Variants in AGBL4 observed in about 807,000 individuals in gnomAD.
AGBL4 encodes AGBL carboxypeptidase 4.
AGBL4 carries 58 observed loss-of-function variants against 66.4 expected under a neutral mutation model. The ratio of observed to expected loss-of-function variants is 0.87; its 90% CI spans 0.71 to 1.09. The LOEUF is 1.09. Ranked by LOEUF, AGBL4 falls within the 50% of genes least tolerant of loss-of-function variation. The pLI, the probability that AGBL4 is intolerant of heterozygous loss-of-function variation, is 0.00. For synonymous variants in AGBL4, 234 were observed against 222.9 expected (o/e 1.05, Z -0.44); for missense variants, 579 against 631.0 (o/e 0.92, Z 0.88).
At chr1:48,564,963 C>T (rs187152665) in intron 11 of AGBL4, among the ~76,000 whole-genome samples, 2 of 152,344 alleles carry the variant, frequency 1.3e-5, no homozygotes, top group Admixed American at 6.5e-5. Flanking sequence ...ATGCATCTGG[C>T]TCCCTGTTCA....
At chr1:48,933,272 A>G (rs1382356404) in intron 5 of AGBL4, among the ~76,000 whole-genome samples, 1 of 152,176 alleles carries the variant, frequency 6.6e-6, no homozygotes, top group African/African-American at 2.4e-5. Flanking sequence ...TTCAAGAAAT[A>G]CCTAGAAAAT....
intron 5 of AGBL4, among the ~76,000 whole-genome samples, chr1:48,875,654 G>C (rs546200090): frequency 6.6e-6 from 1 of 152,260 alleles, no homozygotes; most frequent in African/African-American, 2.4e-5. Flanking sequence ...GCCTCTGGCG[G>C]CCGGCACAAA....
At chr1:48,678,682 A>G (rs1457943801) in intron 6 of AGBL4, among the ~76,000 whole-genome samples, 1 of 152,202 alleles carries the variant, frequency 6.6e-6, no homozygotes, top group African/African-American at 2.4e-5. Flanking sequence ...CTTGCGTTTT[A>G]ATGGTGCAAA....
chr1:48,838,132 T>C (rs985772279), intron 6 of AGBL4, among the ~76,000 whole-genome samples: 2 of 151,876 alleles, frequency 1.3e-5, no homozygotes, highest in Non-Finnish European at 2.9e-5. Context: ...AATCTACAGA[T>C]CAGTGCAATC....
At chr1:49,497,331 T>C (rs902468606) in intron 3 of AGBL4, among the ~76,000 whole-genome samples, 3 of 152,046 alleles carry the variant, frequency 2.0e-5, no homozygotes, top group East Asian at 3.9e-4. Flanking sequence ...CTTCACTTTA[T>C]TGATTGTTTT....
chr1:49,947,348 G>C (rs1298266178), intron 1 of AGBL4, among the ~76,000 whole-genome samples: 1 of 151,954 alleles, frequency 6.6e-6, no homozygotes, highest in Non-Finnish European at 1.5e-5. Context: ...AATCCACCAT[G>C]ATCAAGTGGG....
At chr1:49,825,161 T>A (rs1645477542) in intron 2 of AGBL4, among the ~76,000 whole-genome samples, 2 of 152,226 alleles carry the variant, frequency 1.3e-5, no homozygotes, top group South Asian at 4.1e-4. Flanking sequence ...CTATCTTCTT[T>A]ACTGATACAA....
chr1:49,853,322 A>C (rs113986818), intron 1 of AGBL4, among the ~76,000 whole-genome samples: 142 of 152,304 alleles, frequency 9.3e-4, no homozygotes, highest in Non-Finnish European at 1.5e-3. Flanking sequence ...GGAAATGATA[A>C]AACCAAAAAT....
At chr1:49,388,596 G>T (rs1415857398) in intron 3 of AGBL4, among the ~76,000 whole-genome samples, 4 of 152,136 alleles carry the variant, frequency 2.6e-5, no homozygotes, top group Non-Finnish European at 5.9e-5. Context: ...ATTATCCTAT[G>T]ATTCTTGATT....
chr1:49,608,002 T>C (rs1324951108), intron 3 of AGBL4, among the ~76,000 whole-genome samples: 2 of 152,136 alleles, frequency 1.3e-5, no homozygotes, highest in Non-Finnish European at 1.5e-5. Context: ...ATTTATTCAC[T>C]TGTCAAATGT....
chr1:48,970,857 A>G (rs1427345456), intron 5 of AGBL4, among the ~76,000 whole-genome samples: 6 of 152,120 alleles, frequency 3.9e-5, no homozygotes, highest in Non-Finnish European at 8.8e-5. Flanking sequence ...CTGAAAAAAT[A>G]CAGAGGTTGG....
chr1:49,802,288 A>C (rs1392806213), intron 2 of AGBL4, among the ~76,000 whole-genome samples: 1 of 152,132 alleles, frequency 6.6e-6, no homozygotes, highest in Non-Finnish European at 1.5e-5. Flanking sequence ...TATATGGATA[A>C]GATAGGGCTA....
intron 2 of AGBL4, chr1:49,845,134 C>T (rs1322782611): frequency 1.4e-5 from 20 of 1,398,886 alleles, no homozygotes; most frequent in Admixed American, 5.1e-5. Flanking sequence ...CCAACACCAC[C>T]GTACGCATAC....
intron 1 of AGBL4, among the ~76,000 whole-genome samples, chr1:49,905,682 TG>T (rs1650204615): frequency 6.6e-6 from 1 of 152,162 alleles, no homozygotes; most frequent in South Asian, 2.1e-4. Context: ...AGTTAAAGGA[TG>T]TATCCCCAAT....
Position 49,524,990 on chromosome 1 carries a change from C to T in AGBL4, c.282+172323G>A, listed in dbSNP as rs148583368. Reference sequence around the variant, plus strand: ...GATTTGACCCTTGCTCAATAATTTACGACTGCATTATCTTGGGTAACTTAT... The same window carrying T: ...GATTTGACCCTTGCTCAATAATTTATGACTGCATTATCTTGGGTAACTTAT... On this transcript the variant is annotated intron_variant, in intron 3 of 13. Transcript: ENST00000371839. 5.1e-4 allele frequency among the ~76,000 whole-genome samples: 77 copies of T among 152,094 alleles called. 1 individual carries two copies. The highest frequency in any genetic ancestry group is 1.6e-3 in the African/African-American group (67 of 41,520).
chr1:49,833,759 T>C (rs955947293), intron 2 of AGBL4, among the ~76,000 whole-genome samples: 19 of 152,214 alleles, frequency 1.2e-4, no homozygotes, highest in Non-Finnish European at 2.5e-4. Context: ...GAAGCAATTG[T>C]GAATGGGAGT....
chr1:49,368,410 A>G (rs1644280489), intron 3 of AGBL4, among the ~76,000 whole-genome samples: 1 of 152,208 alleles, frequency 6.6e-6, no homozygotes, highest in Non-Finnish European at 1.5e-5. Context: ...GTATTTATTT[A>G]TATGTACAAA....
intron 3 of AGBL4, among the ~76,000 whole-genome samples, chr1:49,640,324 T>C (rs563274467): frequency 6.6e-6 from 1 of 152,256 alleles, no homozygotes; most frequent in African/African-American, 2.4e-5. Flanking sequence ...AAACATGTTT[T>C]GAGAAGACAG....
chr1:49,530,273 C>CAAAACAAA lies in AGBL4; in HGVS notation c.282+167039_282+167040insTTTGTTTT, dbSNP rs1651010174. On this transcript the variant is annotated intron_variant, in intron 3 of 13. Coordinates refer to ENST00000371839, the MANE Select transcript of AGBL4 (RefSeq NM_032785.4). Reference sequence around the variant, plus strand: ...AGTAGAATTTGTAAAAAAAAAAAAACAAAAAAAAACTCTATGAGTTTTTTT... The same window carrying CAAAACAAA: ...AGTAGAATTTGTAAAAAAAAAAAAACAAAACAAAAAAAAAAAACTCTATGAGTTTTTTT... 1.1e-4 allele frequency among the ~76,000 whole-genome samples: 12 copies of CAAAACAAA among 111,952 alleles called. 1 individual carries two copies. The highest frequency in any genetic ancestry group is 3.6e-4 in the African/African-American group (10 of 27,736). The allele number at this position is 111,952 out of a possible 152,430, so 73.4% of individuals were successfully genotyped here. A position where few individuals can be genotyped will look rare whatever the true frequency, so the allele number is the denominator to read the frequency against.
Sources: allele counts gnomAD v4.1 joint callset (sites outside exome capture counted in the v4.1 genomes callset), GRCh38; gene constraint gnomAD v4.1.1; transcripts MANE v1.5; gene names NCBI Gene and HGNC (gene_info 2026-07-23, HGNC 2026-07-21).